Variants in STX17 observed in about 807,000 individuals in gnomAD.
The protein encoded by STX17 is syntaxin-17.
STX17 carries 29 observed loss-of-function variants against 35.9 expected under a neutral mutation model. The observed-to-expected ratio is 0.81, with a 90% CI of 0.60 to 1.10. The LOEUF is 1.10. Ranked by LOEUF, STX17 falls within the 50% of genes least tolerant of loss-of-function variation. STX17 has a pLI of 0.00. For synonymous variants in STX17, 92 were observed against 118.3 expected (o/e 0.78, Z 1.44); for missense variants, 312 against 352.3 (o/e 0.89, Z 0.92).
intron 3 of STX17, among the ~76,000 whole-genome samples, chr9:99,933,969 A>G (rs1184931300): frequency 6.6e-6 from 1 of 152,220 alleles, no homozygotes; most frequent in Non-Finnish European, 1.5e-5. Flanking sequence ...AGGAACTTAC[A>G]TAGACAGGAA....
Position 99,951,240 on chromosome 9 carries a change from G to A in STX17, c.370G>A (p.Glu124Lys). The change falls in exon 4 of 8, where the codon GAA becomes AAA. Residue 124 changes from glutamate to lysine, a missense_variant. Glu to Lys is a moderately conservative substitution (Grantham distance 56, BLOSUM62 1). Transcript: ENST00000259400. ...EELKKQFNDE[E>K]TLLQPPLTRS... Reference sequence around the variant, plus strand: ...ACTTAAGAAGCAATTTAATGATGAAGAAACTTTGCTACAGCCTCCTTTGAC... The same window carrying A: ...ACTTAAGAAGCAATTTAATGATGAAAAAACTTTGCTACAGCCTCCTTTGAC... 2 of 1,612,938 alleles carry A rather than the reference G, an allele frequency of 1.2e-6. No homozygotes were observed. The highest frequency in any genetic ancestry group is 1.3e-5 in the African/African-American group (1 of 74,980).
At chr9:99,911,684 A>G (rs1009475839) in intron 1 of STX17, among the ~76,000 whole-genome samples, 1 of 152,074 alleles carries the variant, frequency 6.6e-6, no homozygotes, top group Non-Finnish European at 1.5e-5. Context: ...TTAGGGCTCA[A>G]GGGATCTTCC....
chr9:99,940,722 C>T (rs1178111894), intron 3 of STX17, among the ~76,000 whole-genome samples: 1 of 152,244 alleles, frequency 6.6e-6, no homozygotes, highest in South Asian at 2.1e-4. Flanking sequence ...CTCAGGCAGT[C>T]CGCCTGACTC....
At position 99,967,591 on chromosome 9, in the gene STX17, T is replaced by A. The variant is rs117850621; in HGVS notation, c.583-62T>A. 10,958 of 1,457,888 alleles carry A rather than the reference T, an allele frequency of 7.5e-3. 66 individuals are homozygous for A. Among genetic ancestry groups the A allele is most frequent in the Non-Finnish European group, 9.4e-3 (9,777 of 1,042,230 alleles). 90.3% of individuals were successfully genotyped at this position (1,457,888 alleles called of 1,614,324 possible). A position where few individuals can be genotyped will look rare whatever the true frequency, so the allele number is the denominator to read the frequency against. ...GCCCTGATTACAGGAATTAAAATAG[T>A]GTGTGTTGGCTCCCTGCTGCTCCCC... On this transcript the variant is annotated intron_variant, in intron 6 of 7. Transcript: ENST00000259400.
At chr9:99,923,668 G>A (rs1301718553) in intron 2 of STX17, among the ~76,000 whole-genome samples, 1 of 152,144 alleles carries the variant, frequency 6.6e-6, no homozygotes, top group Non-Finnish European at 1.5e-5. Context: ...CAGTTTGAGA[G>A]TCAAGTCCCA....
intron 2 of STX17, among the ~76,000 whole-genome samples, chr9:99,923,135 CTTTTA>C (rs1828920891): frequency 6.7e-6 from 1 of 149,936 alleles, no homozygotes; most frequent in Non-Finnish European, 1.5e-5. Context: ...TTTCTTCCAA[CTTTTA>C]TTTTAGGTTC....
intron 3 of STX17, among the ~76,000 whole-genome samples, chr9:99,942,945 A>G (rs1829396077): frequency 6.6e-6 from 1 of 152,064 alleles, no homozygotes; most frequent in South Asian, 2.1e-4. Flanking sequence ...ATGAGTTTTG[A>G]TATCTAATAG....
chr9:99,967,803 CCCAATTGAT>C, intron 7 of STX17, 64 bp downstream of exon 7: 2 of 1,359,628 alleles, frequency 1.5e-6, no homozygotes, highest in Non-Finnish European at 2.1e-6. Flanking sequence ...CTAGTATTAA[CCCAATTGAT>C]CTGCTCTCTT....
In STX17 at chr9:99,923,013, C is replaced by T. The variant is rs114091169; in HGVS notation, c.124-5765C>T. On this transcript the variant is annotated intron_variant, in intron 2 of 7. Coordinates refer to ENST00000259400, the MANE Select transcript of STX17 (RefSeq NM_017919.3). ...ACATTGACAAATAAACCTCTCAAAA[C>T]CTGTAGAACCAATTTTTTTTTTACA... 8.1e-3 allele frequency among the ~76,000 whole-genome samples: 1,238 copies of T among 152,294 alleles called. 18 individuals are homozygous for T. The highest frequency in any genetic ancestry group is 0.028 in the African/African-American group (1,175 of 41,564).
chr9:99,930,960 T>G (rs1829109528), intron 3 of STX17, among the ~76,000 whole-genome samples: 1 of 152,082 alleles, frequency 6.6e-6, no homozygotes, highest in African/African-American at 2.4e-5. Context: ...AATTTCCCAG[T>G]CTTTTGTTTT....
intron 6 of STX17, among the ~76,000 whole-genome samples, chr9:99,964,435 G>A (rs1449293855): frequency 6.6e-6 from 1 of 152,136 alleles, no homozygotes; most frequent in Non-Finnish European, 1.5e-5. Context: ...AAGGAGGTCA[G>A]TATATTACTC....
rs752273460 is a variant in STX17, at chr9:99,930,868, T to C, written c.189+2025T>C. Among the ~76,000 whole-genome samples the C allele has an allele frequency of 4.1e-4, 63 of 152,394 alleles. No individual in the cohort carries two copies. The Middle Eastern group carries it at 0.01, about 25-fold the overall frequency. On this transcript the variant is annotated intron_variant, in intron 3 of 7. Transcript: ENST00000259400. ...ATGTGATTGCTAGTTTCACTAGATA[T>C]AGAATTCTAGTTGGAATTCTCTTTC...
At chr9:99,965,577 C>A (rs1199350259) in intron 6 of STX17, among the ~76,000 whole-genome samples, 1 of 152,050 alleles carries the variant, frequency 6.6e-6, no homozygotes, top group Non-Finnish European at 1.5e-5. Flanking sequence ...TAAATAGAAA[C>A]AATGATAGGG....
At chr9:99,920,324 T>C (rs763724026) in intron 2 of STX17, among the ~76,000 whole-genome samples, 1 of 152,196 alleles carries the variant, frequency 6.6e-6, no homozygotes, top group Non-Finnish European at 1.5e-5. Context: ...CTTCTTCTTC[T>C]TGGTCTTGTG....
intron 2 of STX17, among the ~76,000 whole-genome samples, chr9:99,926,602 A>G (rs914191355): frequency 2.6e-5 from 4 of 151,596 alleles, no homozygotes; most frequent in African/African-American, 9.7e-5. Context: ...GGTTCCTGCC[A>G]TTCTCCTGCC....
intron 1 of STX17, among the ~76,000 whole-genome samples, chr9:99,908,679 T>G (rs1252865409): frequency 6.6e-6 from 1 of 152,166 alleles, no homozygotes; most frequent in Non-Finnish European, 1.5e-5. Flanking sequence ...CATCTTGTGT[T>G]TTCTGTGCCT....
intron 4 of STX17, among the ~76,000 whole-genome samples, chr9:99,959,174 AC>A (rs993144557): frequency 1.3e-5 from 2 of 152,192 alleles, no homozygotes; most frequent in African/African-American, 4.8e-5. Flanking sequence ...TGCTTCTTCC[AC>A]ATTTAGCCCT....
intron 3 of STX17, among the ~76,000 whole-genome samples, chr9:99,939,089 C>T (rs1254245674): frequency 8.6e-5 from 13 of 152,018 alleles, no homozygotes; most frequent in Admixed American, 8.5e-4. Context: ...CTAGGAAAAA[C>T]ATAGAACACT....
At chr9:99,916,458 C>T (rs1211601104) in intron 2 of STX17, among the ~76,000 whole-genome samples, 1 of 150,802 alleles carries the variant, frequency 6.6e-6, no homozygotes, top group Non-Finnish European at 1.5e-5. Flanking sequence ...TTCATTCATT[C>T]ATTCATTCTT....
Sources: allele counts gnomAD v4.1 joint callset (sites outside exome capture counted in the v4.1 genomes callset), GRCh38; gene constraint gnomAD v4.1.1; transcripts MANE v1.5; gene names NCBI Gene and HGNC (gene_info 2026-07-23, HGNC 2026-07-21).